OSBP: variants seen among roughly 807,000 people sequenced by gnomAD.
The protein encoded by OSBP is oxysterol binding protein.
In OSBP, 32 loss-of-function variants were observed where a neutral mutation model predicts 96.6. That is an observed-to-expected ratio of 0.33 (90% CI 0.25 to 0.45). OSBP has a LOEUF of 0.45. Among genes scored for constraint, OSBP ranks in the 20% least tolerant of loss-of-function variants. The pLI is 1.00. For synonymous variants in OSBP, 369 were observed against 389.6 expected (o/e 0.95, Z 0.62); for missense variants, 653 against 1,029.7 (o/e 0.63, Z 5.01).
intron 5 of OSBP, 28 bp from the exon 6 acceptor site, chr11:59,600,901 T>G (rs769945836): frequency 6.3e-7 from 1 of 1,598,450 alleles, no homozygotes; most frequent in South Asian, 1.1e-5. Flanking sequence ...ACAGGAGAAT[T>G]AGAACAAAGA....
At chr11:59,585,169 G>A (rs547720134) in intron 9 of OSBP, among the ~76,000 whole-genome samples, 3 of 151,462 alleles carry the variant, frequency 2.0e-5, no homozygotes, top group Admixed American at 6.6e-5. Flanking sequence ...CTGCCCGGCC[G>A]CCATCCCATC....
At position 59,601,115 on chromosome 11, in the gene OSBP, CAAAAAAAAA is replaced by C. The variant is rs11405726; in HGVS notation, c.1124+159_1124+167del. 4.3e-3 allele frequency among the ~76,000 whole-genome samples: 489 copies of C among 113,870 alleles called. 5 individuals are homozygous for C. The highest frequency in any genetic ancestry group is 0.014 in the African/African-American group (438 of 30,258). 74.7% of individuals were successfully genotyped at this position (113,870 alleles called of 152,430 possible). A position where few individuals can be genotyped will look rare whatever the true frequency, so the allele number is the denominator to read the frequency against. On this transcript the variant is annotated intron_variant, in intron 5 of 13. Transcript: ENST00000263847. Reference sequence around the variant, plus strand: ...CCCATTCTACAAAGAGATCTTGAGACAAAAAAAAAAAAAAAAAAAGGGAAAAGGGCCCAG... The same window carrying C: ...CCCATTCTACAAAGAGATCTTGAGACAAAAAAAAAAGGGAAAAGGGCCCAG...
rs1324749013 is a variant in OSBP, at chr11:59,615,727, G to C, written c.-63C>G. ...CTACGAGAGCCGCCGTCGCCGCCCG[G>C]AGCGCCCCACACGGCTACCGCATCA... On this transcript the variant is annotated 5_prime_UTR_variant, in exon 1 of 14. Coordinates refer to ENST00000263847, the MANE Select transcript of OSBP (RefSeq NM_002556.3). 148 of 1,248,246 alleles carry C rather than the reference G, an allele frequency of 1.2e-4. No homozygotes were observed. Among genetic ancestry groups the C allele is most frequent in the Non-Finnish European group, 1.3e-4 (130 of 996,162 alleles). The allele number at this position is 1,248,246 out of a possible 1,614,324, so 77.3% of individuals were successfully genotyped here.
chr11:59,595,020 C>A (rs1860630554), intron 7 of OSBP: 1 of 154,556 alleles, frequency 6.5e-6, no homozygotes, highest in African/African-American at 2.4e-5. Flanking sequence ...TTATTGAGTA[C>A]CCATGTGTGC....
intron 7 of OSBP, among the ~76,000 whole-genome samples, chr11:59,597,633 G>A (rs561166285): frequency 2.6e-4 from 40 of 152,136 alleles, no homozygotes; most frequent in Admixed American, 1.9e-3. Flanking sequence ...TCAACCTCCC[G>A]GTCTCAAGTG....
chr11:59,591,615 T>C (rs1306250700), intron 9 of OSBP, among the ~76,000 whole-genome samples: 1 of 151,514 alleles, frequency 6.6e-6, no homozygotes, highest in Non-Finnish European at 1.5e-5. Flanking sequence ...TCCCCCTCAG[T>C]ATTTTCTTTT....
chr11:59,580,316 T>G lies in OSBP; in HGVS notation c.1783-47A>C, dbSNP rs564848672. The G allele has an allele frequency of 3.4e-5, 39 of 1,151,178 alleles. No individual in the cohort carries two copies. The East Asian group carries it at 8.4e-4, about 25-fold the overall frequency. The allele number at this position is 1,151,178 out of a possible 1,614,324, so 71.3% of individuals were successfully genotyped here. ...TTTTATTAAGACTGGATAAATTCAA[T>G]GTCTGCCAAACCCATGGTTCATAAT... On this transcript the variant is annotated intron_variant, in intron 10 of 13. Transcript: ENST00000263847.
intron 1 of OSBP, among the ~76,000 whole-genome samples, chr11:59,612,122 C>A (rs186091376): frequency 6.6e-6 from 1 of 152,224 alleles, no homozygotes; most frequent in African/African-American, 2.4e-5. Flanking sequence ...AAATGGCACA[C>A]ACCCCATAAG....
intron 3 of OSBP, among the ~76,000 whole-genome samples, chr11:59,605,777 T>C (rs1011567421): frequency 2.6e-5 from 4 of 152,222 alleles, no homozygotes; most frequent in African/African-American, 9.6e-5. Context: ...ATCAATTATC[T>C]GACAAAAGCC....
chr11:59,592,425 A>C (rs1860596687), intron 9 of OSBP, among the ~76,000 whole-genome samples: 1 of 152,242 alleles, frequency 6.6e-6, no homozygotes, highest in Non-Finnish European at 1.5e-5. Context: ...TTCATTAAAG[A>C]AGCAGTCTAT....
chr11:59,593,158 G>C (rs1860606685), intron 9 of OSBP, among the ~76,000 whole-genome samples: 1 of 152,114 alleles, frequency 6.6e-6, no homozygotes, highest in Non-Finnish European at 1.5e-5. Context: ...TTACATAAAT[G>C]ATACCTAACC....
intron 3 of OSBP, among the ~76,000 whole-genome samples, chr11:59,606,492 C>T (rs1052234600): frequency 6.6e-6 from 1 of 150,502 alleles, no homozygotes; most frequent in Admixed American, 6.6e-5. Flanking sequence ...TGGGTACACA[C>T]CAACACAAAG....
chr11:59,577,425 C>T (rs1860373341), intron 12 of OSBP, among the ~76,000 whole-genome samples: 1 of 152,202 alleles, frequency 6.6e-6, no homozygotes, highest in African/African-American at 2.4e-5. Flanking sequence ...AAGTGACCTC[C>T]ATCTTGTTTC....
intron 12 of OSBP, 78 bp downstream of exon 12, chr11:59,578,071 G>T: frequency 1.5e-6 from 2 of 1,315,986 alleles, no homozygotes; most frequent in Non-Finnish European, 2.2e-6. Flanking sequence ...AAGTGAGAGG[G>T]CAGGCAGAAA....
chr11:59,607,537 C>G (rs1185043684), intron 3 of OSBP, among the ~76,000 whole-genome samples: 1 of 151,978 alleles, frequency 6.6e-6, no homozygotes, highest in Non-Finnish European at 1.5e-5. Context: ...ATGGGAAAGT[C>G]TGGCACTAGA....
Position 59,597,770 on chromosome 11 carries a change from A to G in OSBP, c.1311+2726T>C, listed in dbSNP as rs375686329. On this transcript the variant is annotated intron_variant, in intron 7 of 13. Coordinates refer to ENST00000263847, the MANE Select transcript of OSBP (RefSeq NM_002556.3). The stretch of plus-strand genomic sequence containing the variant: ...GTCAAGGCTGGAATGTAGTGGCACC[A>G]TCTCGACTCACTACAACCTCTGCCT... Among the ~76,000 whole-genome samples the G allele has an allele frequency of 5.3e-5, 8 of 152,302 alleles. No individual in the cohort carries two copies. The East Asian group carries it at 9.6e-4, about 18-fold the overall frequency.
At chr11:59,586,245 AAC>A (rs953121057) in intron 9 of OSBP, among the ~76,000 whole-genome samples, 1 of 152,126 alleles carries the variant, frequency 6.6e-6, no homozygotes, top group Non-Finnish European at 1.5e-5. Context: ...GTATAAAGTC[AAC>A]ACACAAAAAT....
In OSBP at chr11:59,576,560, T is replaced by C; in HGVS notation, c.*17A>G. On this transcript the variant is annotated 3_prime_UTR_variant, in exon 14 of 14. Coordinates refer to ENST00000263847, the MANE Select transcript of OSBP (RefSeq NM_002556.3). The stretch of plus-strand genomic sequence containing the variant: ...CCTCTTCTCCATTATATGCTCCTCT[T>C]TTTTGTTACTGCCGTTTCAGAAAAT... The C allele has an allele frequency of 6.2e-7, 1 of 1,610,746 alleles. No individual in the cohort carries two copies. Among genetic ancestry groups the C allele is most frequent in the Non-Finnish European group, 8.5e-7 (1 of 1,178,856 alleles).
Position 59,583,651 on chromosome 11 carries a change from T to G in OSBP, c.1679-2097A>C, listed in dbSNP as rs926573723. On this transcript the variant is annotated intron_variant, in intron 9 of 13. Coordinates refer to ENST00000263847, the MANE Select transcript of OSBP (RefSeq NM_002556.3). ...AAATCTCTGTTTTTTTTTTTTTTTT[T>G]TTTTTTTTTCGAGATGGAGTCTTGC... 1.6e-4 allele frequency among the ~76,000 whole-genome samples: 22 copies of G among 140,630 alleles called. 1 individual carries two copies. Among genetic ancestry groups the G allele is most frequent in the African/African-American group, 6.1e-4 (22 of 35,894 alleles). 92.3% of individuals were successfully genotyped at this position (140,630 alleles called of 152,430 possible). A position where few individuals can be genotyped will look rare whatever the true frequency, so the allele number is the denominator to read the frequency against.
Sources: gnomAD v4.1 joint callset for allele counts (sites outside exome capture counted in the v4.1 genomes callset) on GRCh38, gnomAD v4.1.1 for gene constraint, MANE v1.5 for transcripts, NCBI Gene and HGNC (gene_info 2026-07-23, HGNC 2026-07-21) for gene names.